ARNT2: variants seen among roughly 807,000 people sequenced by gnomAD.
The protein encoded by ARNT2 is aryl hydrocarbon receptor nuclear translocator 2, also known as ARNT protein 2.
In ARNT2, 36 loss-of-function variants were observed where a neutral mutation model predicts 91.7. That is an observed-to-expected ratio of 0.39 (90% confidence interval 0.30 to 0.52). The LOEUF (loss-of-function observed/expected upper bound fraction) is 0.52. ARNT2 is among the 20% of genes least tolerant of loss of function. ARNT2 has a pLI of 0.72. For missense variants in ARNT2, 775 were observed against 939.3 expected, an observed-to-expected ratio of 0.83 and a Z score of 2.29; for synonymous variants, 365 against 347.1, an observed-to-expected ratio of 1.05 and a Z score of -0.57.
intron 8 of ARNT2, among the ~76,000 whole-genome samples, chr15:80,517,322 C>G (rs1443111100): frequency 1.3e-5 from 2 of 152,118 alleles, no homozygotes; most frequent in Non-Finnish European, 2.9e-5. Context: ...TAATTCTCAT[C>G]CTTGTTCTTC....
At chr15:80,441,601 CA>C (rs915381185) in intron 1 of ARNT2, among the ~76,000 whole-genome samples, 4 of 152,068 alleles carry the variant, frequency 2.6e-5, no homozygotes, top group African/African-American at 9.7e-5. Flanking sequence ...ATGTAAAGAT[CA>C]GGGGATATTT....
At chr15:80,556,773 G>A (rs1898198264) in intron 11 of ARNT2, 1 of 152,186 alleles carries the variant, frequency 6.6e-6, no homozygotes, top group Admixed American at 6.5e-5. Flanking sequence ...TGAGTGTAGT[G>A]AGGCTTGGTG....
intron 8 of ARNT2, among the ~76,000 whole-genome samples, chr15:80,520,490 A>T (rs1357671027): frequency 6.6e-6 from 1 of 152,192 alleles, no homozygotes; most frequent in African/African-American, 2.4e-5. Flanking sequence ...TATAGTGCTT[A>T]TGGTTAACAA....
At chr15:80,433,446 C>G (rs955103400) in intron 1 of ARNT2, among the ~76,000 whole-genome samples, 1 of 151,552 alleles carries the variant, frequency 6.6e-6, no homozygotes, top group Non-Finnish European at 1.5e-5. Flanking sequence ...CCACCACGCC[C>G]GGCTAATTTT....
intron 12 of ARNT2, among the ~76,000 whole-genome samples, chr15:80,573,875 T>C (rs1898623703): frequency 6.6e-6 from 1 of 152,258 alleles, no homozygotes; most frequent in African/African-American, 2.4e-5. Context: ...CCTTAAAGTA[T>C]TTGTTCTGCG....
chr15:80,425,317 T>C (rs1461058740), intron 1 of ARNT2, among the ~76,000 whole-genome samples: 4 of 152,210 alleles, frequency 2.6e-5, no homozygotes, highest in Non-Finnish European at 4.4e-5. Context: ...TTTTTTGTTT[T>C]TGTTTTTGTT....
intron 2 of ARNT2, among the ~76,000 whole-genome samples, chr15:80,451,506 A>T (rs17788150): frequency 0.21 from 32,105 of 152,228 alleles, 3,867 homozygotes; most frequent in Non-Finnish European, 0.28. Flanking sequence ...ACTAAGTACT[A>T]TTGTTCCAAG....
At chr15:80,571,902 G>T (rs1410159032) in intron 12 of ARNT2, among the ~76,000 whole-genome samples, 1 of 152,148 alleles carries the variant, frequency 6.6e-6, no homozygotes, top group Non-Finnish European at 1.5e-5. Context: ...TAACCTCTTT[G>T]AACTTCAGTT....
At chr15:80,465,191 ACTGTGTG>A (rs1896636261) in intron 3 of ARNT2, among the ~76,000 whole-genome samples, 2 of 152,190 alleles carry the variant, frequency 1.3e-5, no homozygotes, top group South Asian at 4.1e-4. Context: ...AGAGGTTATC[ACTGTGTG>A]CTGGGTGAAT....
chr15:80,547,172 T>TA (rs1406576137), intron 8 of ARNT2, among the ~76,000 whole-genome samples: 3 of 152,158 alleles, frequency 2.0e-5, no homozygotes, highest in African/African-American at 4.8e-5. Context: ...ATTCTCATAA[T>TA]AACACTGAGA....
At chr15:80,527,512 C>T (rs938227719) in intron 8 of ARNT2, among the ~76,000 whole-genome samples, 2 of 152,170 alleles carry the variant, frequency 1.3e-5, no homozygotes, top group Non-Finnish European at 2.9e-5. Flanking sequence ...GCATTACAAG[C>T]ATGGGAAATA....
chr15:80,581,206 G>A (rs771403360), intron 16 of ARNT2, 33 bp from the exon 17 acceptor site: 2 of 1,610,254 alleles, frequency 1.2e-6, no homozygotes, highest in Non-Finnish European at 1.7e-6. Context: ...TGCTGGTGAT[G>A]CTTTCCATCT....
intron 12 of ARNT2, among the ~76,000 whole-genome samples, chr15:80,567,870 A>G (rs982432716): frequency 2.0e-5 from 3 of 152,168 alleles, no homozygotes; most frequent in African/African-American, 7.2e-5. Flanking sequence ...ACAATCAGGG[A>G]TGTGAACTGG....
chr15:80,576,279 T>C (rs1056914766), intron 14 of ARNT2, among the ~76,000 whole-genome samples: 2 of 104,576 alleles, frequency 1.9e-5, no homozygotes, highest in Admixed American at 8.5e-5. Context: ...AGAACTCTCA[T>C]TAATTTTTTT....
rs569198575 is a variant in ARNT2, at chr15:80,586,761, A to G, written c.1919-4807A>G. Among the ~76,000 whole-genome samples, 15 of 151,748 alleles carry G rather than the reference A, an allele frequency of 9.9e-5. No homozygotes were observed. In the South Asian group the frequency reaches 3.1e-3, roughly 32 times the overall value. The stretch of plus-strand genomic sequence containing the variant: ...CGCGCTGAGGCAGGAGAATTGCTTG[A>G]ACCTGGGAGGTGGAGGTTGCAGTGA... On this transcript the variant is annotated intron_variant, in intron 17 of 18. Transcript: ENST00000303329.
chr15:80,432,754 G>T (rs534305547), intron 1 of ARNT2, among the ~76,000 whole-genome samples: 2 of 151,982 alleles, frequency 1.3e-5, no homozygotes, highest in Non-Finnish European at 2.9e-5. Flanking sequence ...TAACCAGAAG[G>T]TATGGTCTCA....
Position 80,595,695 on chromosome 15 carries a change from A to G in ARNT2, c.*1997A>G, listed in dbSNP as rs1413788343. ...GTAATGGTGATTGGGTCTCCACTGT[A>G]GATGCATGCAGTGTTCACTCCAACC... On this transcript the variant is annotated 3_prime_UTR_variant, in exon 19 of 19. Transcript: ENST00000303329. 1 of 152,222 alleles carries G rather than the reference A, an allele frequency of 6.6e-6. No homozygotes were observed. The highest frequency in any genetic ancestry group is 1.5e-5 in the Non-Finnish European group (1 of 68,042). The allele number at this position is 152,222 out of a possible 1,614,324, so 9.4% of individuals were successfully genotyped here.
chr15:80,519,706 G>A (rs543448748), intron 8 of ARNT2, among the ~76,000 whole-genome samples: 437 of 127,652 alleles, frequency 3.4e-3, no homozygotes, highest in Middle Eastern at 9.1e-3. Flanking sequence ...TTTTTTTTGA[G>A]ATGGAGTCTT....
chr15:80,581,499 C>A, intron 17 of ARNT2, 95 bp downstream of exon 17: 2 of 1,517,004 alleles, frequency 1.3e-6, no homozygotes, highest in South Asian at 1.2e-5. Flanking sequence ...AAGCTCCCAG[C>A]TACCAAAACA....
Sources: allele counts gnomAD v4.1 joint callset (sites outside exome capture counted in the v4.1 genomes callset), GRCh38; gene constraint gnomAD v4.1.1; transcripts MANE v1.5; gene names NCBI Gene and HGNC (gene_info 2026-07-23, HGNC 2026-07-21).